ST3GAL2: variants seen among roughly 807,000 people sequenced by gnomAD.
ST3GAL2 encodes CMP-N-acetylneuraminate-beta-galactosamide-alpha-2,3-sialyltransferase 2.
Under a neutral mutation model 37.5 loss-of-function variants are expected in ST3GAL2, and 16 were observed. That is an observed-to-expected ratio of 0.43 (90% CI 0.29 to 0.65). The LOEUF is 0.65. ST3GAL2 is among the 30% of genes least tolerant of loss of function. The probability of loss-of-function intolerance (pLI) is 0.17; values close to 1 mark genes in which losing one functional copy is unlikely to be tolerated. For missense variants in ST3GAL2, 383 were observed against 487.8 expected (o/e 0.79, Z 2.02); for synonymous variants, 238 against 202.9 (o/e 1.17, Z -1.47).
In ST3GAL2 at chr16:70,378,564, T is replaced by A. The variant is rs1240413573; in HGVS notation, c.*3125A>T. On this transcript the variant is annotated 3_prime_UTR_variant, in exon 7 of 7. Transcript: ENST00000342907. ...AAAAATACAAAAAAACTGCCGGGCATCGTGGCGGTCACCTGTAGTCTCAGC... is the reference window on the plus strand; with the variant it reads ...AAAAATACAAAAAAACTGCCGGGCAACGTGGCGGTCACCTGTAGTCTCAGC... The A allele has an allele frequency of 6.8e-6, 1 of 148,104 alleles. No individual in the cohort carries two copies. Among genetic ancestry groups the A allele is most frequent in the Non-Finnish European group, 1.5e-5 (1 of 67,658 alleles). The allele number at this position is 148,104 out of a possible 1,614,324, so 9.2% of individuals were successfully genotyped here. A position where few individuals can be genotyped will look rare whatever the true frequency, so the allele number is the denominator to read the frequency against.
intron 1 of ST3GAL2, 61 bp downstream of exon 1, chr16:70,438,888 T>C (rs2047846982): frequency 6.6e-6 from 1 of 151,278 alleles, no homozygotes; most frequent in Non-Finnish European, 1.5e-5. Context: ...GCAGGGGAGG[T>C]CTGGGCAGCC....
rs1321288895 is a variant in ST3GAL2, at chr16:70,395,071, C to A, written c.444G>T (p.Gln148His). The change falls in exon 3 of 7, where the codon CAG becomes CAT. Residue 148 changes from glutamine (Q) to histidine (H), a missense_variant. Physicochemically the swap from Gln to His is conservative, Grantham distance 24. Transcript: ENST00000342907. ...ENPYRFRDPH[Q>H]CRRCAVVGNS... ...TCCCCACCACGGCACAGCGCCGGCA[C>A]TGGTGGGGGTCCCGGAAGCGGTAGG... 6.2e-7 allele frequency: 1 copy of A among 1,614,022 alleles called. No individual in the cohort carries two copies. Among genetic ancestry groups the A allele is most frequent in the Non-Finnish European group, 8.5e-7 (1 of 1,179,988 alleles).
intron 1 of ST3GAL2, among the ~76,000 whole-genome samples, chr16:70,409,969 G>C (rs1337149871): frequency 1.3e-5 from 2 of 151,422 alleles, no homozygotes; most frequent in African/African-American, 2.4e-5. Context: ...GTCTTGCTAT[G>C]TTGCCCAGGC....
chr16:70,411,803 T>C (rs551161391), intron 1 of ST3GAL2, among the ~76,000 whole-genome samples: 4 of 152,232 alleles, frequency 2.6e-5, no homozygotes, highest in Admixed American at 2.0e-4. Flanking sequence ...GAGAGCAGCC[T>C]GACCAACATG....
intron 1 of ST3GAL2, among the ~76,000 whole-genome samples, chr16:70,417,168 T>C (rs547151558): frequency 1.4e-4 from 22 of 152,332 alleles, no homozygotes; most frequent in African/African-American, 4.8e-4. Context: ...CATAAAGCTC[T>C]ACCTCCATGG....
Position 70,439,061 on chromosome 16 carries a change from G to C in ST3GAL2, c.-1116C>G, listed in dbSNP as rs1321137260. ...GCCGCCGCCGCCGTCGTCCGGACCC[G>C]TTAGCTCGCAGCTCTCTCGTCCGCC... On this transcript the variant is annotated 5_prime_UTR_variant, in exon 1 of 7. Coordinates refer to ENST00000342907, the MANE Select transcript of ST3GAL2 (RefSeq NM_006927.4). 1.8e-5 allele frequency: 3 copies of C among 163,672 alleles called. No individual in the cohort carries two copies. Among genetic ancestry groups the C allele is most frequent in the African/African-American group, 7.3e-5 (3 of 40,846 alleles). The allele number at this position is 163,672 out of a possible 1,614,324, so 10.1% of individuals were successfully genotyped here. A position where few individuals can be genotyped will look rare whatever the true frequency, so the allele number is the denominator to read the frequency against.
At chr16:70,424,431 G>A (rs1187527280) in intron 1 of ST3GAL2, among the ~76,000 whole-genome samples, 5 of 151,294 alleles carry the variant, frequency 3.3e-5, no homozygotes, top group Middle Eastern at 3.4e-3. Flanking sequence ...GAGAAACCCC[G>A]TCTCTACTAA....
At position 70,407,597 on chromosome 16, in the gene ST3GAL2, T is replaced by C. The variant is rs1597567342; in HGVS notation, c.-1003-8064A>G. On this transcript the variant is annotated intron_variant, in intron 1 of 6. Coordinates refer to ENST00000342907, the MANE Select transcript of ST3GAL2 (RefSeq NM_006927.4). ...CCAGAGGTCAGGGGCAGCAAGGGCC[T>C]TGAAGACCCCGCCTTCCATCCTCAG... Among the ~76,000 whole-genome samples, 3 of 152,278 alleles carry C rather than the reference T, an allele frequency of 2.0e-5. No individual in the cohort carries two copies. The East Asian group carries it at 5.8e-4, about 29-fold the overall frequency.
In ST3GAL2 at chr16:70,379,483, C is replaced by T. The variant is rs944639142; in HGVS notation, c.*2206G>A. On this transcript the variant is annotated 3_prime_UTR_variant, in exon 7 of 7. Coordinates refer to ENST00000342907, the MANE Select transcript of ST3GAL2 (RefSeq NM_006927.4). ...CCAGACCCGCCTTCTTCCATCATGC[C>T]CATTTCAGAACAATGAAGGACTAGA... The T allele has an allele frequency of 6.6e-6, 1 of 152,178 alleles. No individual in the cohort carries two copies. The highest frequency in any genetic ancestry group is 1.5e-5 in the Non-Finnish European group (1 of 68,040). The allele number at this position is 152,178 out of a possible 1,614,324, so 9.4% of individuals were successfully genotyped here.
Position 70,382,901 on chromosome 16 carries a change from G to A in ST3GAL2, c.783C>T (p.Phe261=), listed in dbSNP as rs2047415977. 1 of 1,613,896 alleles carries A rather than the reference G, an allele frequency of 6.2e-7. No individual in the cohort carries two copies. Among genetic ancestry groups the A allele is most frequent in the African/African-American group, 1.3e-5 (1 of 75,068 alleles). The change falls in exon 6 of 7, where the codon TTC becomes TTT. Residue 261 remains phenylalanine (F), a synonymous_variant. Coordinates refer to ENST00000342907, the MANE Select transcript of ST3GAL2 (RefSeq NM_006927.4). The part of the protein sequence containing the change: ...KEKVQIYNPA[F]FKYIHDRWTE... The stretch of plus-strand genomic sequence containing the variant: ...TCCACCTGTCGTGGATATACTTGAA[G>A]AAGGCTGGGTTGTAGATCTGGACCT...
intron 1 of ST3GAL2, among the ~76,000 whole-genome samples, chr16:70,413,077 C>T (rs1036889448): frequency 6.6e-6 from 1 of 150,938 alleles, no homozygotes. Context: ...GGTGAAACCC[C>T]GTATCTACTA....
chr16:70,436,906 C>G (rs182366966), intron 1 of ST3GAL2, among the ~76,000 whole-genome samples: 1 of 152,266 alleles, frequency 6.6e-6, no homozygotes, highest in African/African-American at 2.4e-5. Context: ...CATTTCCCAC[C>G]CCTCTCCCCA....
chr16:70,426,219 A>C (rs2047750209), intron 1 of ST3GAL2, among the ~76,000 whole-genome samples: 1 of 114,374 alleles, frequency 8.7e-6, no homozygotes, highest in Middle Eastern at 8.3e-3. Context: ...TTTGAGACTG[A>C]ATCTCACTCT....
At chr16:70,433,495 G>A (rs1204411820) in intron 1 of ST3GAL2, among the ~76,000 whole-genome samples, 1 of 152,134 alleles carries the variant, frequency 6.6e-6, no homozygotes, top group Admixed American at 6.5e-5. Flanking sequence ...GCAGGGTTGC[G>A]AGGGAACTGC....
intron 4 of ST3GAL2, among the ~76,000 whole-genome samples, chr16:70,384,083 T>C (rs953443707): frequency 2.0e-5 from 3 of 152,136 alleles, no homozygotes; most frequent in Non-Finnish European, 2.9e-5. Flanking sequence ...ACTTCAACTC[T>C]ACTGCATCCA....
intron 1 of ST3GAL2, among the ~76,000 whole-genome samples, chr16:70,404,893 A>G (rs1279844789): frequency 4.6e-5 from 7 of 152,054 alleles, no homozygotes; most frequent in Non-Finnish European, 7.4e-5. Context: ...TTAGCTGGGC[A>G]TGGCTGGCGT....
intron 1 of ST3GAL2, among the ~76,000 whole-genome samples, chr16:70,411,994 CAAA>C: frequency 8.1e-6 from 1 of 123,506 alleles, no homozygotes; most frequent in South Asian, 2.6e-4. Flanking sequence ...AACTCCGTCT[CAAA>C]AAAAAAAAAA....
At chr16:70,389,202 C>CAAAA (rs1160368910) in intron 3 of ST3GAL2, among the ~76,000 whole-genome samples, 627 of 27,366 alleles carry the variant, frequency 0.023, 238 homozygotes, top group East Asian at 0.047. Flanking sequence ...CCCATCTCTA[C>CAAAA]AAAAAAAAAA....
intron 3 of ST3GAL2, among the ~76,000 whole-genome samples, chr16:70,389,819 C>T (rs540043216): frequency 6.6e-6 from 1 of 151,558 alleles, no homozygotes; most frequent in Admixed American, 6.6e-5. Flanking sequence ...CGGAGTCTTG[C>T]TCTGTCGCCC....
Sources: gnomAD v4.1 joint callset for allele counts (sites outside exome capture counted in the v4.1 genomes callset) on GRCh38, gnomAD v4.1.1 for gene constraint, MANE v1.5 for transcripts, NCBI Gene and HGNC (gene_info 2026-07-23, HGNC 2026-07-21) for gene names.